RASGEF1C: variants seen among roughly 807,000 people sequenced by gnomAD.
RASGEF1C encodes RasGEF domain family member 1C, also known as ras-GEF domain-containing family member 1C.
In RASGEF1C, 27 loss-of-function variants were observed where a neutral mutation model predicts 58.1. That is an observed-to-expected ratio of 0.46 (90% CI 0.34 to 0.64). The LOEUF (loss-of-function observed/expected upper bound fraction) is 0.64. RASGEF1C is among the 30% of genes least tolerant of loss of function. The probability of loss-of-function intolerance (pLI) is 0.01; values close to 1 mark genes in which losing one functional copy is unlikely to be tolerated. For synonymous variants in RASGEF1C, 243 were observed against 246.3 expected, an observed-to-expected ratio of 0.99 and a Z score of 0.13; for missense variants, 502 against 605.1, an observed-to-expected ratio of 0.83 and a Z score of 1.79.
intron 7 of RASGEF1C, among the ~76,000 whole-genome samples, chr5:180,120,431 G>A (rs572868221): frequency 1.8e-4 from 28 of 152,316 alleles, no homozygotes; most frequent in Admixed American, 3.9e-4. Flanking sequence ...CACCTGCTGC[G>A]GAGAGCCCAG....
chr5:180,174,491 C>CACGCGT (rs1554114714), intron 1 of RASGEF1C, among the ~76,000 whole-genome samples: 2 of 143,694 alleles, frequency 1.4e-5, no homozygotes, highest in Admixed American at 6.8e-5. Flanking sequence ...TGTGTGTGCG[C>CACGCGT]GTGTGTGTCT....
At chr5:180,149,034 G>A (rs1173313694) in intron 1 of RASGEF1C, among the ~76,000 whole-genome samples, 1 of 151,028 alleles carries the variant, frequency 6.6e-6, no homozygotes, top group Non-Finnish European at 1.5e-5. Flanking sequence ...TACATCAACC[G>A]ATTGCCTTCT....
intron 1 of RASGEF1C, among the ~76,000 whole-genome samples, chr5:180,208,400 T>TC (rs1561762373): frequency 6.6e-6 from 1 of 151,710 alleles, no homozygotes; most frequent in African/African-American, 2.4e-5. Context: ...CTTCCCCAAG[T>TC]CCCCCCAAGC....
At chr5:180,115,472 T>C (rs1766051184) in intron 10 of RASGEF1C, 1 of 266,888 alleles carries the variant, frequency 3.7e-6, no homozygotes, top group Admixed American at 4.6e-5. Context: ...CCCCAGACTC[T>C]TCACTCCTGA....
chr5:180,183,418 G>A (rs779534551), intron 1 of RASGEF1C, among the ~76,000 whole-genome samples: 6 of 150,414 alleles, frequency 4.0e-5, no homozygotes, highest in Non-Finnish European at 5.9e-5. Context: ...ACAGCAAAGG[G>A]ATATAGCTTA....
chr5:180,140,849 G>C (rs1766566608), intron 1 of RASGEF1C, among the ~76,000 whole-genome samples: 2 of 152,206 alleles, frequency 1.3e-5, no homozygotes, highest in Admixed American at 6.5e-5. Context: ...ATGTGCAGAG[G>C]CTCGGCGGAG....
At chr5:180,208,402 C>T (rs1385272437) in intron 1 of RASGEF1C, among the ~76,000 whole-genome samples, 3 of 152,150 alleles carry the variant, frequency 2.0e-5, no homozygotes, top group Non-Finnish European at 4.4e-5. Context: ...TCCCCAAGTC[C>T]CCCCAAGCAT....
chr5:180,110,627 C>G (rs1038978802), intron 12 of RASGEF1C, among the ~76,000 whole-genome samples: 1 of 152,070 alleles, frequency 6.6e-6, no homozygotes, highest in South Asian at 2.1e-4. Context: ...CCCCTTAGCA[C>G]GCTTGCAAGC....
intron 4 of RASGEF1C, among the ~76,000 whole-genome samples, chr5:180,132,113 G>A (rs1346945631): frequency 6.6e-6 from 1 of 152,160 alleles, no homozygotes; most frequent in Non-Finnish European, 1.5e-5. Context: ...GCATCCCCTC[G>A]TCACTATCGT....
intron 1 of RASGEF1C, among the ~76,000 whole-genome samples, chr5:180,165,054 A>G (rs1455659859): frequency 6.6e-6 from 1 of 152,138 alleles, no homozygotes; most frequent in Non-Finnish European, 1.5e-5. Flanking sequence ...GCTTTAAACT[A>G]TGCTTTGTCT....
At chr5:180,176,579 T>C (rs1188895111) in intron 1 of RASGEF1C, among the ~76,000 whole-genome samples, 14 of 148,096 alleles carry the variant, frequency 9.5e-5, no homozygotes, top group East Asian at 6.0e-4. Flanking sequence ...TTTTTTGAGA[T>C]GGAGTCTTGC....
intron 11 of RASGEF1C, among the ~76,000 whole-genome samples, chr5:180,112,778 C>T (rs913291669): frequency 1.8e-4 from 28 of 152,228 alleles, no homozygotes; most frequent in African/African-American, 6.3e-4. Context: ...GGATACGGAG[C>T]GGGTCAGCCT....
At position 180,101,207 on chromosome 5, in the gene RASGEF1C, T is replaced by G; in HGVS notation, c.*294A>C. 2.1e-6 allele frequency: 1 copy of G among 484,224 alleles called. No homozygotes were observed. The highest frequency in any genetic ancestry group is 3.7e-6 in the Non-Finnish European group (1 of 268,522). 30.0% of individuals were successfully genotyped at this position (484,224 alleles called of 1,614,324 possible). On this transcript the variant is annotated 3_prime_UTR_variant, in exon 14 of 14. Coordinates refer to ENST00000361132, the MANE Select transcript of RASGEF1C (RefSeq NM_175062.4). ...ACCCTCTGGGGCAGTGTTGTGTCCT[T>G]GCCGAGGATGGACAGACTGACCAGG...
At chr5:180,170,528 CA>C (rs1767092816) in intron 1 of RASGEF1C, among the ~76,000 whole-genome samples, 1 of 152,206 alleles carries the variant, frequency 6.6e-6, no homozygotes, top group Admixed American at 6.5e-5. Flanking sequence ...CCGCGCTACG[CA>C]GCTGCTGCCT....
Position 180,136,515 on chromosome 5 carries a change from C to T in RASGEF1C, c.301G>A (p.Ala101Thr). The change falls in exon 4 of 14, where the codon GCC becomes ACC. Residue 101 changes from alanine (A) to threonine (T), a missense_variant and splice_region_variant. Transcript: ENST00000361132. Reference sequence around the variant, plus strand: ...TTGGGGCCGAACTTCCGGACCCGGGCCTACGGGCAAGCGAGGGGCACCGCG... The same window carrying T: ...TTGGGGCCGAACTTCCGGACCCGGGTCTACGGGCAAGCGAGGGGCACCGCG... ...QQLDKPVLDK[A>T]RVRKFGPKLL... The T allele has an allele frequency of 6.4e-7, 1 of 1,570,682 alleles. No individual in the cohort carries two copies. Among genetic ancestry groups the T allele is most frequent in the Admixed American group, 1.8e-5 (1 of 54,602 alleles).
intron 1 of RASGEF1C, among the ~76,000 whole-genome samples, chr5:180,150,940 A>C (rs1422152027): frequency 1.3e-5 from 2 of 151,580 alleles, no homozygotes; most frequent in African/African-American, 4.8e-5. Context: ...ACAGAGAGCC[A>C]AATCATGAGT....
chr5:180,173,879 C>T (rs542021887), intron 1 of RASGEF1C, among the ~76,000 whole-genome samples: 12 of 150,540 alleles, frequency 8.0e-5, no homozygotes, highest in East Asian at 5.9e-4. Flanking sequence ...TGCCACTGCA[C>T]TCCAGCCTGG....
rs553718711 is a variant in RASGEF1C, at chr5:180,127,989, G to A, written c.640-306C>T. ...GGCCTGCTTCCTCTGCGGGGTGGAG[G>A]GGCTGGTGGCTAGGAGCATGGCATC... On this transcript the variant is annotated intron_variant, in intron 5 of 13. Coordinates refer to ENST00000361132, the MANE Select transcript of RASGEF1C (RefSeq NM_175062.4). Among the ~76,000 whole-genome samples, 13 of 152,322 alleles carry A rather than the reference G, an allele frequency of 8.5e-5. No individual in the cohort carries two copies. The South Asian group carries it at 2.7e-3, about 32-fold the overall frequency.
intron 11 of RASGEF1C, among the ~76,000 whole-genome samples, chr5:180,113,519 A>C (rs1396571763): frequency 1.6e-5 from 1 of 60,634 alleles, no homozygotes; most frequent in Non-Finnish European, 3.2e-5. Context: ...GGGATCGGGG[A>C]TGGACGGAGG....
Sources: gnomAD v4.1 joint callset for allele counts (sites outside exome capture counted in the v4.1 genomes callset) on GRCh38, gnomAD v4.1.1 for gene constraint, MANE v1.5 for transcripts, NCBI Gene and HGNC (gene_info 2026-07-23, HGNC 2026-07-21) for gene names.